The following JPH1 variants were observed in gnomAD, a reference collection of about 807,000 sequenced individuals.
JPH1 encodes junctophilin-1.
In JPH1, 12 loss-of-function variants were observed where a neutral mutation model predicts 53.6. That is an observed-to-expected ratio of 0.22 (90% CI 0.14 to 0.36). The LOEUF (loss-of-function observed/expected upper bound fraction) is 0.36. Ranked by LOEUF, JPH1 falls within the 10% of genes least tolerant of loss-of-function variation. The pLI, the probability that JPH1 is intolerant of heterozygous loss-of-function variation, is 1.00. For synonymous variants in JPH1, 375 were observed against 363.8 expected, an observed-to-expected ratio of 1.03 and a Z score of -0.35; for missense variants, 808 against 905.5, an observed-to-expected ratio of 0.89 and a Z score of 1.38.
At position 74,321,330 on chromosome 8, in the gene JPH1, C is replaced by T. The variant is rs1226815901; in HGVS notation, c.-43G>A. On this transcript the variant is annotated 5_prime_UTR_variant, in exon 1 of 6. Coordinates refer to ENST00000342232, the MANE Select transcript of JPH1 (RefSeq NM_020647.4). The surrounding 1 kb of genome is among the most constrained non-coding windows in gnomAD (Gnocchi z 4.3). ...CGCGCTCCCCGCAGGGGCACGGACG[C>T]GGGCAGTGCTGGGCACGGCAGGGTG... is the stretch of plus-strand genomic sequence containing the variant. 1.3e-6 allele frequency: 2 copies of T among 1,483,422 alleles called. No homozygotes were observed. The highest frequency in any genetic ancestry group is 1.8e-6 in the Non-Finnish European group (2 of 1,116,728). 91.9% of individuals were successfully genotyped at this position (1,483,422 alleles called of 1,614,324 possible).
At chr8:74,285,734 C>T (rs1376825033) in intron 2 of JPH1, among the ~76,000 whole-genome samples, 1 of 152,212 alleles carries the variant, frequency 6.6e-6, no homozygotes, top group Non-Finnish European at 1.5e-5. Context: ...CAACATGTTG[C>T]TTTTCTAAAA....
intron 2 of JPH1, among the ~76,000 whole-genome samples, chr8:74,305,764 CCT>C (rs1385452902): frequency 1.3e-5 from 2 of 152,140 alleles, no homozygotes; most frequent in Non-Finnish European, 2.9e-5. Context: ...CCTTGCCCTC[CCT>C]GTTTAATCAA....
At chr8:74,317,785 C>G (rs183129344) in intron 1 of JPH1, among the ~76,000 whole-genome samples, 1 of 152,272 alleles carries the variant, frequency 6.6e-6, no homozygotes, top group East Asian at 1.9e-4. Context: ...AAATGTTTAA[C>G]ACTGATGGAA....
intron 2 of JPH1, among the ~76,000 whole-genome samples, chr8:74,288,550 A>G (rs1807235613): frequency 1.3e-5 from 2 of 152,144 alleles, no homozygotes; most frequent in African/African-American, 4.8e-5. Context: ...GGGGTTGGGC[A>G]GGAATGGCAA....
chr8:74,318,850 A>T (rs1019880961), intron 1 of JPH1, among the ~76,000 whole-genome samples: 1 of 152,208 alleles, frequency 6.6e-6, no homozygotes. Context: ...AGTTACAGCA[A>T]TAAACTTGCT....
chr8:74,282,486 G>A (rs1188950725), intron 2 of JPH1, among the ~76,000 whole-genome samples: 2 of 152,194 alleles, frequency 1.3e-5, no homozygotes, highest in Non-Finnish European at 2.9e-5. Flanking sequence ...GGTACCAACA[G>A]TCTTTTCAAC....
chr8:74,307,576 T>C (rs1294295098), intron 2 of JPH1, among the ~76,000 whole-genome samples: 1 of 152,210 alleles, frequency 6.6e-6, no homozygotes, highest in Non-Finnish European at 1.5e-5. Flanking sequence ...TTTTAGGTGA[T>C]TTTGTCCTAA....
chr8:74,253,486 G>A (rs542993922), intron 3 of JPH1, among the ~76,000 whole-genome samples: 1 of 152,212 alleles, frequency 6.6e-6, no homozygotes, highest in South Asian at 2.1e-4. Context: ...AGAAGAACTA[G>A]AGAAGCAAGA....
At chr8:74,310,629 G>T (rs1411177400) in intron 2 of JPH1, among the ~76,000 whole-genome samples, 1 of 152,100 alleles carries the variant, frequency 6.6e-6, no homozygotes, top group Admixed American at 6.5e-5. Context: ...TGTGTTTACT[G>T]GGGAGCAACA....
In JPH1 at chr8:74,287,633, T is replaced by G. The variant is rs546070815; in HGVS notation, c.1139+27228A>C. 5.0e-4 allele frequency among the ~76,000 whole-genome samples: 76 copies of G among 152,102 alleles called. No homozygotes were observed. In the South Asian group the frequency reaches 0.016, roughly 31 times the overall value. On this transcript the variant is annotated intron_variant, in intron 2 of 5. Coordinates refer to ENST00000342232, the MANE Select transcript of JPH1 (RefSeq NM_020647.4). Reference sequence around the variant, plus strand: ...TTTTGAGAAGGTCACTAAATTGCATTAGTTTGCACATACAATTTAACAATT... The same window carrying G: ...TTTTGAGAAGGTCACTAAATTGCATGAGTTTGCACATACAATTTAACAATT...
chr8:74,302,959 GAA>G (rs34040034), intron 2 of JPH1, among the ~76,000 whole-genome samples: 16,298 of 136,652 alleles, frequency 0.12, 1,967 homozygotes, highest in African/African-American at 0.32. Flanking sequence ...GCCAAGAAAA[GAA>G]AAAAAAAAAA....
intron 2 of JPH1, among the ~76,000 whole-genome samples, chr8:74,285,955 C>T (rs570648740): frequency 7.9e-4 from 120 of 152,284 alleles, no homozygotes; most frequent in African/African-American, 2.7e-3. Context: ...CAGTCTATAC[C>T]ATTTTGTACT....
chr8:74,321,462 T>TGCC lies in JPH1; in HGVS notation c.-178_-176dup. 1.8e-6 allele frequency: 1 copy of TGCC among 566,788 alleles called. No homozygotes were observed. The highest frequency in any genetic ancestry group is 2.8e-6 in the Non-Finnish European group (1 of 360,356). 35.1% of individuals were successfully genotyped at this position (566,788 alleles called of 1,614,324 possible). On this transcript the variant is annotated 5_prime_UTR_variant, in exon 1 of 6. Coordinates refer to ENST00000342232, the MANE Select transcript of JPH1 (RefSeq NM_020647.4). This position sits in a 1 kb window ranked among gnomAD's most constrained non-coding sequence, Gnocchi z 4.3. ...GCCGCCCCCGTCCTCCCTCCTCTTTTGCCGCCGCCACCGCCGCCTTCCTCC... is the reference window on the plus strand; with the variant it reads ...GCCGCCCCCGTCCTCCCTCCTCTTTTGCCGCCGCCGCCACCGCCGCCTTCCTCC...
intron 2 of JPH1, among the ~76,000 whole-genome samples, chr8:74,290,127 G>T (rs963585832): frequency 7.9e-5 from 12 of 152,178 alleles, no homozygotes; most frequent in Non-Finnish European, 1.8e-4. Flanking sequence ...CTATTCAACA[G>T]AGTGTTGGAA....
intron 4 of JPH1, 92 bp from the exon 5 acceptor site, chr8:74,237,395 A>G: frequency 1.0e-6 from 1 of 1,003,794 alleles, no homozygotes; most frequent in Middle Eastern, 2.1e-4. Flanking sequence ...GAGAAAGTTA[A>G]CATGATTGCA....
rs756673688 is a variant in JPH1 at position 74,315,456 on chromosome 8, C to T, written c.544G>A (p.Ala182Thr). The change falls in exon 2 of 6, where the codon GCC becomes ACC. Residue 182 changes from alanine (A) to threonine (T), a missense_variant. Ala to Thr is a moderately conservative substitution (Grantham distance 58). Transcript: ENST00000342232. This position sits in a 1 kb window ranked among gnomAD's most constrained non-coding sequence, Gnocchi z 6.3. Reference sequence around the variant, plus strand: ...CGGGTGCCGGCCGGGCTGTCGGCGGCGGCTGCGGCGTCGTGGAGCACGCTG... The same window carrying T: ...CGGGTGCCGGCCGGGCTGTCGGCGGTGGCTGCGGCGTCGTGGAGCACGCTG... ...NGSVLHDAAA[A>T]ADSPAGTRGG... 3.7e-6 allele frequency: 6 copies of T among 1,608,650 alleles called. No homozygotes were observed. The highest frequency in any genetic ancestry group is 5.1e-6 in the Non-Finnish European group (6 of 1,178,064).
chr8:74,237,093 T>C, intron 5 of JPH1, 58 bp from the exon 6 acceptor site: 1 of 674,082 alleles, frequency 1.5e-6, no homozygotes, highest in South Asian at 2.0e-5. Flanking sequence ...CATTCAGGCA[T>C]AGCCAAAATT....
rs900020423 is a variant in JPH1 at position 74,315,107 on chromosome 8, C to T, written c.893G>A (p.Arg298His). 4 of 1,614,090 alleles carry T rather than the reference C, an allele frequency of 2.5e-6. No homozygotes were observed. The highest frequency in any genetic ancestry group is 2.2e-5 in the East Asian group (1 of 44,904). ...DKRNGFGVSERSNGMKYEGEW... is the reference protein window; with the variant it reads ...DKRNGFGVSEHSNGMKYEGEW... ...CCCTTCATACTTCATGCCATTGGAGCGCTCGCTAACGCCGAAGCCGTTGCG... is the reference window on the plus strand; with the variant it reads ...CCCTTCATACTTCATGCCATTGGAGTGCTCGCTAACGCCGAAGCCGTTGCG... Residue 298 changes from arginine (R) to histidine (H), a missense_variant, in exon 2 of 6, where the codon CGC becomes CAC. By Grantham distance (29) the Arg-to-His change is conservative. Transcript: ENST00000342232. The surrounding 1 kb of genome is among the most constrained non-coding windows in gnomAD (Gnocchi z 6.3).
chr8:74,297,499 T>A (rs1563416046), intron 2 of JPH1, among the ~76,000 whole-genome samples: 1 of 152,324 alleles, frequency 6.6e-6, no homozygotes, highest in Non-Finnish European at 1.5e-5. Flanking sequence ...TTCGCGGGAC[T>A]CTTAACTCAC....
Sources: gnomAD v4.1 joint callset for allele counts (sites outside exome capture counted in the v4.1 genomes callset) on GRCh38, gnomAD v4.1.1 for gene constraint, Gnocchi (gnomAD v3.1) non-coding constraint, MANE v1.5 for transcripts, NCBI Gene and HGNC (gene_info 2026-07-23, HGNC 2026-07-21) for gene names.